TENM3: variants seen among roughly 807,000 people sequenced by gnomAD.
TENM3 encodes teneurin-3.
A neutral mutation model predicts 255.1 loss-of-function variants in TENM3; 63 were observed. That is an observed-to-expected ratio of 0.25 (90% CI 0.20 to 0.30). The LOEUF (loss-of-function observed/expected upper bound fraction) is 0.30. Among genes scored for constraint, TENM3 ranks in the 10% least tolerant of loss-of-function variants. The pLI, the probability that TENM3 is intolerant of heterozygous loss-of-function variation, is 1.00. For synonymous variants in TENM3, 1,306 were observed against 1,322.3 expected (o/e 0.99, Z 0.27); for missense variants, 2,929 against 3,461.1 (o/e 0.85, Z 3.86).
intron 3 of TENM3, among the ~76,000 whole-genome samples, chr4:182,475,897 G>T (rs750937936): frequency 6.6e-6 from 1 of 152,126 alleles, no homozygotes; most frequent in African/African-American, 2.4e-5. Flanking sequence ...AGAATTCAAG[G>T]CTTCTAGGTA....
At chr4:182,593,364 TC>T (rs1471109895) in intron 3 of TENM3, among the ~76,000 whole-genome samples, 1 of 152,182 alleles carries the variant, frequency 6.6e-6, no homozygotes, top group Non-Finnish European at 1.5e-5. Flanking sequence ...TCTGTCTGTC[TC>T]CCTCCACCTC....
chr4:182,427,357 GT>G (rs531116798), intron 3 of TENM3, among the ~76,000 whole-genome samples: 12 of 152,262 alleles, frequency 7.9e-5, no homozygotes, highest in Middle Eastern at 3.4e-3. Context: ...GCTTTTGTTT[GT>G]TTTAGGGAGG....
At chr4:182,420,241 G>A (rs553138239) in intron 3 of TENM3, among the ~76,000 whole-genome samples, 40 of 152,080 alleles carry the variant, frequency 2.6e-4, no homozygotes, top group Admixed American at 1.2e-3. Context: ...GTAGATATTC[G>A]AGTTATAAGA....
At chr4:181,683,754 G>A in the TENM3 span, among the ~76,000 whole-genome samples, 4 of 152,148 alleles carry the variant, frequency 2.6e-5, no homozygotes, top group African/African-American at 9.6e-5. Flanking sequence ...TCCTCATAGA[G>A]AGTGGTGAAA....
chr4:182,032,678 GTCCTGGAT>G, the TENM3 span, among the ~76,000 whole-genome samples: 1 of 152,110 alleles, frequency 6.6e-6, no homozygotes, highest in Non-Finnish European at 1.5e-5. Context: ...AATCTATCTG[GTCCTGGAT>G]TTTTATGGTT....
At chr4:181,746,953 G>A in the TENM3 span, among the ~76,000 whole-genome samples, 5 of 151,588 alleles carry the variant, frequency 3.3e-5, no homozygotes, top group African/African-American at 7.3e-5. Context: ...CCAATTATTC[G>A]CTATTACAAA....
chr4:181,680,114 T>C, the TENM3 span, among the ~76,000 whole-genome samples: 1 of 152,128 alleles, frequency 6.6e-6, no homozygotes, highest in Non-Finnish European at 1.5e-5. Context: ...TTTGTATTTT[T>C]ATTCTATTTT....
chr4:182,176,163 A>G (rs1752477909), intron 1 of TENM3, among the ~76,000 whole-genome samples: 1 of 151,966 alleles, frequency 6.6e-6, no homozygotes, highest in African/African-American at 2.4e-5. Context: ...CAATGAGTGT[A>G]GGGCCTCGTC....
chr4:182,019,893 T>C, the TENM3 span, among the ~76,000 whole-genome samples: 4 of 152,018 alleles, frequency 2.6e-5, no homozygotes, highest in Admixed American at 2.6e-4. Context: ...CTCAAACTCC[T>C]GAGTTCAGTC....
In TENM3 at chr4:182,727,861, G is replaced by T. The variant is rs530622294; in HGVS notation, c.2369-1104G>T. On this transcript the variant is annotated intron_variant, in intron 13 of 27. Transcript: ENST00000511685. ...GGAACACACTTAACCTTCCTTAGAA[G>T]AACTTTTTTTTTTTTTTTTGAGACA... Among the ~76,000 whole-genome samples the T allele has an allele frequency of 6.6e-4, 74 of 112,304 alleles. 1 individual carries two copies. Among genetic ancestry groups the T allele is most frequent in the African/African-American group, 2.5e-3 (74 of 29,170 alleles). The allele number at this position is 112,304 out of a possible 152,430, so 73.7% of individuals were successfully genotyped here.
chr4:182,165,996 T>C (rs564888192), intron 1 of TENM3, among the ~76,000 whole-genome samples: 1 of 152,204 alleles, frequency 6.6e-6, no homozygotes, highest in Admixed American at 6.5e-5. Context: ...GCCAGGATGG[T>C]CTCGATCTCC....
chr4:182,527,461 G>A (rs1411112203), intron 3 of TENM3, among the ~76,000 whole-genome samples: 1 of 147,970 alleles, frequency 6.8e-6, no homozygotes, highest in East Asian at 2.0e-4. Flanking sequence ...ATTTAATTAT[G>A]TAGATTAAGG....
At chr4:182,483,314 A>G (rs1164275179) in intron 3 of TENM3, among the ~76,000 whole-genome samples, 1 of 152,142 alleles carries the variant, frequency 6.6e-6, no homozygotes, top group African/African-American at 2.4e-5. Context: ...TGTTTATGTA[A>G]CAGTACCATT....
At chr4:182,549,720 T>C (rs1741818762) in intron 3 of TENM3, among the ~76,000 whole-genome samples, 1 of 152,226 alleles carries the variant, frequency 6.6e-6, no homozygotes, top group Non-Finnish European at 1.5e-5. Flanking sequence ...CATTCTTCTT[T>C]AGAAGAATTG....
the TENM3 span, among the ~76,000 whole-genome samples, chr4:181,981,171 T>G: frequency 1.3e-5 from 2 of 152,178 alleles, no homozygotes; most frequent in African/African-American, 2.4e-5. Flanking sequence ...AATCTTTTCA[T>G]GAACTATTCT....
chr4:182,593,415 C>T (rs73872444), intron 3 of TENM3, among the ~76,000 whole-genome samples: 1,602 of 152,322 alleles, frequency 0.011, 31 homozygotes, highest in African/African-American at 0.037. Context: ...CTTTCTTCTT[C>T]CGTCCCTCCA....
intron 24 of TENM3, among the ~76,000 whole-genome samples, chr4:182,785,368 G>A (rs6845799): frequency 0.2 from 30,424 of 151,436 alleles, 4,042 homozygotes; most frequent in African/African-American, 0.37. Context: ...CACCCCTCCC[G>A]GTCTTAACCT....
At chr4:182,205,854 C>T (rs1481945050) in intron 1 of TENM3, among the ~76,000 whole-genome samples, 9 of 152,058 alleles carry the variant, frequency 5.9e-5, no homozygotes, top group Admixed American at 3.3e-4. Flanking sequence ...CCTTCGTACA[C>T]GCAGGCAAAG....
chr4:181,901,172 T>C, the TENM3 span, among the ~76,000 whole-genome samples: 5 of 152,304 alleles, frequency 3.3e-5, no homozygotes, highest in East Asian at 9.7e-4. Flanking sequence ...AAGTATATTC[T>C]ACCTCTGTAC....
Sources: allele counts gnomAD v4.1 joint callset (sites outside exome capture counted in the v4.1 genomes callset), GRCh38; gene constraint gnomAD v4.1.1; transcripts MANE v1.5; gene names NCBI Gene and HGNC (gene_info 2026-07-23, HGNC 2026-07-21).